Variants in CARS1 observed in about 807,000 individuals in gnomAD.
CARS1 encodes cysteinyl-tRNA synthetase 1.
A neutral mutation model predicts 106.2 loss-of-function variants in CARS1; 48 were observed. The observed-to-expected ratio is 0.45, with a 90% CI of 0.36 to 0.57. The LOEUF (loss-of-function observed/expected upper bound fraction) is 0.57. Among genes scored for constraint, CARS1 ranks in the 20% least tolerant of loss-of-function variants. CARS1 has a pLI of 0.00. For synonymous variants in CARS1, 409 were observed against 403.4 expected (o/e 1.01, Z -0.17); for missense variants, 968 against 1,057.2 (o/e 0.92, Z 1.17).
At position 3,004,832 on chromosome 11, in the gene CARS1, G is replaced by C. The variant is rs1241434546; in HGVS notation, c.2217+534C>G. ...TCTTAACATGTCAGCTTCGGGCCAG[G>C]CGTGGTGGCTCAAGCCTGTAATCCC... On this transcript the variant is annotated intron_variant, in intron 20 of 22. Coordinates refer to ENST00000380525, the MANE Select transcript of CARS1 (RefSeq NM_001014437.3). This position sits in a 1 kb window ranked among gnomAD's most constrained non-coding sequence, Gnocchi z 5.2. Among the ~76,000 whole-genome samples, 1 of 152,154 alleles carries C rather than the reference G, an allele frequency of 6.6e-6. No individual in the cohort carries two copies. The highest frequency in any genetic ancestry group is 1.5e-5 in the Non-Finnish European group (1 of 68,020).
Position 3,047,415 on chromosome 11 carries a change from T to G in CARS1, c.274+338A>C, listed in dbSNP as rs12281445. Among the ~76,000 whole-genome samples, 711 of 152,232 alleles carry G rather than the reference T, an allele frequency of 4.7e-3. 3 individuals carry two copies. The highest frequency in any genetic ancestry group is 0.016 in the African/African-American group (683 of 41,534). ...GAGTCAACCAGAGCCAGGCACAGCC[T>G]TAGCTAAAAATCACAAGGCTAGGGC... On this transcript the variant is annotated intron_variant, in intron 2 of 22. Coordinates refer to ENST00000380525, the MANE Select transcript of CARS1 (RefSeq NM_001014437.3).
intron 17 of CARS1, among the ~76,000 whole-genome samples, chr11:3,013,658 G>A (rs1209689400): frequency 6.6e-6 from 1 of 151,892 alleles, no homozygotes; most frequent in Non-Finnish European, 1.5e-5. Context: ...AGACTAGCCT[G>A]GCCAACATAG....
chr11:3,041,120 T>A lies in CARS1; in HGVS notation c.367-136A>T. Reference sequence around the variant, plus strand: ...TTCAACAGAGACCATTTTGTTTTACTGTGAAAAGTCACAGTCTCAGTGGGA... The same window carrying A: ...TTCAACAGAGACCATTTTGTTTTACAGTGAAAAGTCACAGTCTCAGTGGGA... On this transcript the variant is annotated intron_variant, in intron 3 of 22. Coordinates refer to ENST00000380525, the MANE Select transcript of CARS1 (RefSeq NM_001014437.3). This position sits in a 1 kb window ranked among gnomAD's most constrained non-coding sequence, Gnocchi z 4.9. 6.9e-7 allele frequency: 1 copy of A among 1,441,156 alleles called. No individual in the cohort carries two copies. Among genetic ancestry groups the A allele is most frequent in the Non-Finnish European group, 9.5e-7 (1 of 1,056,422 alleles). 89.3% of individuals were successfully genotyped at this position (1,441,156 alleles called of 1,614,324 possible). A position where few individuals can be genotyped will look rare whatever the true frequency, so the allele number is the denominator to read the frequency against.
At position 3,047,954 on chromosome 11, in the gene CARS1, C is replaced by A. The variant is rs1297275650; in HGVS notation, c.73G>T (p.Ala25Ser). 3 of 1,613,994 alleles carry A rather than the reference C, an allele frequency of 1.9e-6. No homozygotes were observed. Among genetic ancestry groups the A allele is most frequent in the Non-Finnish European group, 2.5e-6 (3 of 1,180,026 alleles). Residue 25 changes from alanine to serine, a missense_variant, in exon 2 of 23, where the codon GCA becomes TCA. Coordinates refer to ENST00000380525, the MANE Select transcript of CARS1 (RefSeq NM_001014437.3). Reference protein sequence around the residue: ...ILSISDEAARAQALNEHLSTR... With the variant: ...ILSISDEAARSQALNEHLSTR... ...CTGAGGTGCTCGTTCAGGGCTTGTG[C>A]CCTGGCTGCCTCGTCACTAATGCTC... is the stretch of plus-strand genomic sequence containing the variant.
In CARS1 at chr11:3,042,665, G is replaced by A. The variant is rs3782072; in HGVS notation, c.275-409C>T. On this transcript the variant is annotated intron_variant, in intron 2 of 22. Coordinates refer to ENST00000380525, the MANE Select transcript of CARS1 (RefSeq NM_001014437.3). ...TTCAAATACTGGCCCCTTTCTGGCAGTGAGCACACCACCACCTGGCACTCC... is the reference window on the plus strand; with the variant it reads ...TTCAAATACTGGCCCCTTTCTGGCAATGAGCACACCACCACCTGGCACTCC... Among the ~76,000 whole-genome samples, 11 of 152,370 alleles carry A rather than the reference G, an allele frequency of 7.2e-5. No individual in the cohort carries two copies. In the East Asian group the frequency reaches 1.9e-3, roughly 27 times the overall value.
chr11:3,026,388 G>A (rs986275346), intron 10 of CARS1, among the ~76,000 whole-genome samples: 2 of 152,166 alleles, frequency 1.3e-5, no homozygotes, highest in African/African-American at 4.8e-5. Context: ...AAGGTGACGA[G>A]CATCCTAACT....
In CARS1 at chr11:3,032,060, CTCCTTCCTTCCTTCCT is replaced by C. The variant is rs1217924867; in HGVS notation, c.802-2633_802-2618del. Among the ~76,000 whole-genome samples, 148 of 20,058 alleles carry C rather than the reference CTCCTTCCTTCCTTCCT, an allele frequency of 7.4e-3. 6 individuals carry two copies. Among genetic ancestry groups the C allele is most frequent in the African/African-American group, 0.031 (135 of 4,412 alleles). The allele number at this position is 20,058 out of a possible 152,430, so 13.2% of individuals were successfully genotyped here. On this transcript the variant is annotated intron_variant, in intron 7 of 22. Coordinates refer to ENST00000380525, the MANE Select transcript of CARS1 (RefSeq NM_001014437.3). Reference sequence around the variant, plus strand: ...CCTCCCTCCCTCCCTCCCTCCCTCCCTCCTTCCTTCCTTCCTTCCTTCCTTCCTTCCTTGATGGAGT... The same window carrying C: ...CCTCCCTCCCTCCCTCCCTCCCTCCCTCCTTCCTTCCTTCCTTGATGGAGT...
At position 3,001,324 on chromosome 11, in the gene CARS1, C is replaced by T. The variant is rs978809978; in HGVS notation, c.2362-76G>A. The T allele has an allele frequency of 7.1e-6, 11 of 1,554,216 alleles. 1 individual carries two copies. Among genetic ancestry groups the T allele is most frequent in the South Asian group, 4.5e-5 (4 of 89,354 alleles). The stretch of plus-strand genomic sequence containing the variant: ...CCCAACTCCCCTTTCTTTGCCCTCC[C>T]GTCTCAAAGTGTCTATCTCCCTGAT... On this transcript the variant is annotated intron_variant, in intron 22 of 22. Coordinates refer to ENST00000380525, the MANE Select transcript of CARS1 (RefSeq NM_001014437.3).
intron 20 of CARS1, 67 bp downstream of exon 20, chr11:3,005,299 G>T: frequency 8.5e-7 from 1 of 1,179,298 alleles, no homozygotes; most frequent in Non-Finnish European, 1.3e-6. Flanking sequence ...AGTAAACTAT[G>T]TAATAATCGC....
chr11:3,001,904 T>C (rs2134069355), intron 22 of CARS1, 66 bp downstream of exon 22: 2 of 1,238,334 alleles, frequency 1.6e-6, no homozygotes, highest in Admixed American at 3.4e-5. Flanking sequence ...TGAAAATTCC[T>C]GTCCTCCCAC....
In CARS1 at chr11:3,020,050, C is replaced by CCATGATGT. The variant is rs1338343680; in HGVS notation, c.1266+162_1266+169dup. On this transcript the variant is annotated intron_variant, in intron 11 of 22. Coordinates refer to ENST00000380525, the MANE Select transcript of CARS1 (RefSeq NM_001014437.3). This position sits in a 1 kb window ranked among gnomAD's most constrained non-coding sequence, Gnocchi z 4.6. ...ATTTGTCCAGAGACTCAGGGAGTCTCCATGATGTCCAGGTCCCCGGGGCCA... is the reference window on the plus strand; with the variant it reads ...ATTTGTCCAGAGACTCAGGGAGTCTCCATGATGTCATGATGTCCAGGTCCCCGGGGCCA... Among the ~76,000 whole-genome samples, 1 of 152,208 alleles carries CCATGATGT rather than the reference C, an allele frequency of 6.6e-6. No homozygotes were observed. The highest frequency in any genetic ancestry group is 2.4e-5 in the African/African-American group (1 of 41,438).
At chr11:3,001,824 C>T in intron 22 of CARS1, 146 bp downstream of exon 22, 2 of 734,892 alleles carry the variant, frequency 2.7e-6, no homozygotes, top group Admixed American at 3.9e-5. Context: ...GCCAGGAGGC[C>T]CTGGACCTAA....
chr11:3,029,517 A>G lies in CARS1; in HGVS notation c.802-74T>C, dbSNP rs1852489809. On this transcript the variant is annotated intron_variant, in intron 7 of 22. Transcript: ENST00000380525. The surrounding 1 kb of genome is among the most constrained non-coding windows in gnomAD (Gnocchi z 5.9). ...GAGAACATCTCGTGCAGCTGGTGTG[A>G]GCCCATCAGTGCCCTGAATTCAAAG... The G allele has an allele frequency of 8.7e-5, 133 of 1,536,502 alleles. No individual in the cohort carries two copies. The highest frequency in any genetic ancestry group is 1.2e-4 in the Non-Finnish European group (132 of 1,128,310).
chr11:3,003,002 G>A lies in CARS1; in HGVS notation c.2218-402C>T, dbSNP rs142561770. ...AGGGTTATCCTGAGTGGGTCTTGGG[G>A]TACCTGGGAAGGAGCAAGAGCGCCA... On this transcript the variant is annotated intron_variant, in intron 20 of 22. Coordinates refer to ENST00000380525, the MANE Select transcript of CARS1 (RefSeq NM_001014437.3). This position sits in a 1 kb window ranked among gnomAD's most constrained non-coding sequence, Gnocchi z 4.8. Among the ~76,000 whole-genome samples, 1,620 of 152,326 alleles carry A rather than the reference G, an allele frequency of 0.011. 31 individuals are homozygous for A. The highest frequency in any genetic ancestry group is 0.036 in the African/African-American group (1,513 of 41,560).
At chr11:3,011,592 A>C (rs925940390) in intron 18 of CARS1, among the ~76,000 whole-genome samples, 3 of 152,168 alleles carry the variant, frequency 2.0e-5, no homozygotes, top group Non-Finnish European at 2.9e-5. Context: ...CCAGCCTGGG[A>C]GACAGAGTGA....
At chr11:3,009,802 A>T (rs530063642) in intron 18 of CARS1, among the ~76,000 whole-genome samples, 155 of 152,308 alleles carry the variant, frequency 1.0e-3, no homozygotes, top group African/African-American at 3.6e-3. Context: ...AGCAGATCCC[A>T]GCTGATCTGA....
chr11:3,017,007 G>T lies in CARS1; in HGVS notation c.1917+99C>A. On this transcript the variant is annotated intron_variant, in intron 16 of 22. Coordinates refer to ENST00000380525, the MANE Select transcript of CARS1 (RefSeq NM_001014437.3). This position sits in a 1 kb window ranked among gnomAD's most constrained non-coding sequence, Gnocchi z 4.9. ...TCAGAGGTGCTGGGCACCAGGCACA[G>T]CACTGGGGGGCACCAGAGGCCTCTG... 2.0e-6 allele frequency: 2 copies of T among 986,632 alleles called. No homozygotes were observed. The highest frequency in any genetic ancestry group is 1.5e-6 in the Non-Finnish European group (1 of 666,224). The allele number at this position is 986,632 out of a possible 1,614,324, so 61.1% of individuals were successfully genotyped here. A position where few individuals can be genotyped will look rare whatever the true frequency, so the allele number is the denominator to read the frequency against.
In CARS1 at chr11:3,004,490, G is replaced by A. The variant is rs1016259557; in HGVS notation, c.2217+876C>T. Among the ~76,000 whole-genome samples the A allele has an allele frequency of 2.6e-5, 4 of 152,152 alleles. No homozygotes were observed. Among genetic ancestry groups the A allele is most frequent in the African/African-American group, 7.2e-5 (3 of 41,432 alleles). The stretch of plus-strand genomic sequence containing the variant: ...GCATCCAAACTCGCCCTCCACGGTG[G>A]TCTCCTGCTTTAAGCCTCTTGGGGA... On this transcript the variant is annotated intron_variant, in intron 20 of 22. Transcript: ENST00000380525. The surrounding 1 kb of genome is among the most constrained non-coding windows in gnomAD (Gnocchi z 5.2).
chr11:3,042,050 C>T, intron 3 of CARS1, 115 bp downstream of exon 3: 2 of 700,582 alleles, frequency 2.9e-6, no homozygotes, highest in Non-Finnish European at 2.4e-6. Context: ...ATTTATGGAA[C>T]TCCAGATCCC....
Sources: allele counts gnomAD v4.1 joint callset (sites outside exome capture counted in the v4.1 genomes callset), GRCh38; gene constraint gnomAD v4.1.1; non-coding constraint Gnocchi (gnomAD v3.1); transcripts MANE v1.5; gene names NCBI Gene and HGNC (gene_info 2026-07-23, HGNC 2026-07-21).